Variants in PTHLH observed in about 807,000 individuals in gnomAD.
PTHLH encodes parathyroid hormone-related protein.
Under a neutral mutation model 18.6 loss-of-function variants are expected in PTHLH, and 5 were observed. The ratio of observed to expected loss-of-function variants is 0.27; its 90% confidence interval spans 0.14 to 0.56. The LOEUF is 0.56. Ranked by LOEUF, PTHLH falls within the 20% of genes least tolerant of loss-of-function variation. The pLI, the probability that PTHLH is intolerant of heterozygous loss-of-function variation, is 0.92. For synonymous variants in PTHLH, 90 were observed against 94.0 expected, an observed-to-expected ratio of 0.96 and a Z score of 0.25; for missense variants, 207 against 223.9, an observed-to-expected ratio of 0.92 and a Z score of 0.48.
intron 4 of PTHLH, among the ~76,000 whole-genome samples, chr12:27,967,463 A>G (rs1358397356): frequency 1.3e-5 from 2 of 152,208 alleles, no homozygotes; most frequent in Non-Finnish European, 2.9e-5. Flanking sequence ...GTTTGATTAT[A>G]TGTTAAAATT....
intron 5 of PTHLH, chr12:27,961,964 C>CT (rs377014358): frequency 0.029 from 13,846 of 482,754 alleles, no homozygotes; most frequent in South Asian, 0.049. Flanking sequence ...TGTTGTTTTC[C>CT]TTTTTTTTTT....
intron 5 of PTHLH, chr12:27,962,327 G>A (rs1366272957): frequency 3.2e-5 from 6 of 189,344 alleles, no homozygotes; most frequent in Non-Finnish European, 6.4e-5. Context: ...AAAATAATAT[G>A]TTGCAATTTA....
chr12:27,963,381 T>A lies in PTHLH; in HGVS notation c.491A>T (p.Asp164Val), dbSNP rs1006508750. 1.9e-6 allele frequency: 3 copies of A among 1,614,048 alleles called. No homozygotes were observed. In the African/African-American group the frequency reaches 4.0e-5, roughly 22 times the overall value. ...GSGLEGDHLS[D>V]TSTTSLELDS... is the part of the protein sequence containing the mutation. ...GAGCTCCAGCGACGTTGTGGAGGTG[T>A]CAGACAGGTGGTCCCCTTCTAGCCC... The change falls in exon 5 of 6, where the codon GAC becomes GTC. Residue 164 changes from aspartate to valine, a missense_variant. Asp to Val is a radical substitution (Grantham distance 152, BLOSUM62 -3). Coordinates refer to ENST00000545234, the MANE Select transcript of PTHLH (RefSeq NM_198965.2).
At chr12:27,964,850 TA>T (rs1344080152) in intron 4 of PTHLH, among the ~76,000 whole-genome samples, 1 of 152,240 alleles carries the variant, frequency 6.6e-6, no homozygotes, top group African/African-American at 2.4e-5. Context: ...ATTTTGTGTA[TA>T]TTATTAACCA....
chr12:27,971,789 C>G (rs2120686706), intron 2 of PTHLH, 138 bp downstream of exon 2: 1 of 151,492 alleles, frequency 6.6e-6, no homozygotes, highest in South Asian at 2.1e-4. Context: ...AAAACAAAAC[C>G]AAAACACACA....
rs199844363 is a variant in PTHLH, at chr12:27,962,663, A to C, written c.524+685T>G. On this transcript the variant is annotated intron_variant, in intron 5 of 5. Transcript: ENST00000545234. Reference sequence around the variant, plus strand: ...ATCTTGCCAATGAACAAAAAGATACATGAGAAAAACCTATATCCTTGTAAG... The same window carrying C: ...ATCTTGCCAATGAACAAAAAGATACCTGAGAAAAACCTATATCCTTGTAAG... 26 of 985,126 alleles carry C rather than the reference A, an allele frequency of 2.6e-5. 1 individual carries two copies. The East Asian group carries it at 2.7e-3, about 103-fold the overall frequency. The allele number at this position is 985,126 out of a possible 1,614,324, so 61.0% of individuals were successfully genotyped here.
chr12:27,961,276 C>CATATATATACGTATATATATATACGT (rs2062750802), intron 5 of PTHLH, among the ~76,000 whole-genome samples: 1 of 52,746 alleles, frequency 1.9e-5, no homozygotes, highest in East Asian at 5.6e-4. Flanking sequence ...TTTTATAACT[C>CATATATATACGTATATATATATACGT]ATATATATAC....
intron 4 of PTHLH, among the ~76,000 whole-genome samples, chr12:27,965,689 CTCTT>C (rs1472625624): frequency 1.3e-5 from 2 of 152,182 alleles, no homozygotes; most frequent in Non-Finnish European, 2.9e-5. Context: ...GAAGGAGTCT[CTCTT>C]TCTTTTAGAA....
chr12:27,960,674 C>T (rs1298610136), intron 5 of PTHLH, among the ~76,000 whole-genome samples: 2 of 145,688 alleles, frequency 1.4e-5, no homozygotes, highest in Non-Finnish European at 1.5e-5. Flanking sequence ...GCCGAGATTA[C>T]ACCATCTCAC....
At chr12:27,966,779 T>C (rs1157253546) in intron 4 of PTHLH, among the ~76,000 whole-genome samples, 1 of 152,032 alleles carries the variant, frequency 6.6e-6, no homozygotes, top group Non-Finnish European at 1.5e-5. Flanking sequence ...AGCCCAAACA[T>C]AGTTCTTCTC....
intron 4 of PTHLH, among the ~76,000 whole-genome samples, chr12:27,964,471 C>CAGAGAG (rs10551155): frequency 2.4e-4 from 35 of 148,848 alleles, no homozygotes; most frequent in African/African-American, 5.7e-4. Flanking sequence ...GGCCAATCGT[C>CAGAGAG]AGAGAGAGAG....
At chr12:27,959,882 T>A (rs1203561571) in intron 5 of PTHLH, among the ~76,000 whole-genome samples, 1 of 152,204 alleles carries the variant, frequency 6.6e-6, no homozygotes, top group Non-Finnish European at 1.5e-5. Flanking sequence ...CAAAACTCAA[T>A]AATCTGCATT....
Position 27,970,253 on chromosome 12 carries a change from C to A in PTHLH, c.-251G>T, listed in dbSNP as rs998604456. On this transcript the variant is annotated 5_prime_UTR_variant, in exon 3 of 6. Coordinates refer to ENST00000545234, the MANE Select transcript of PTHLH (RefSeq NM_198965.2). ...AAAACCGAGCGGAGGAATGTTCACACGCTCCGAGGCAAACCTGCCGGAGAA... is the reference window on the plus strand; with the variant it reads ...AAAACCGAGCGGAGGAATGTTCACAAGCTCCGAGGCAAACCTGCCGGAGAA... The A allele has an allele frequency of 4.6e-6, 2 of 435,818 alleles. No individual in the cohort carries two copies. Among genetic ancestry groups the A allele is most frequent in the African/African-American group, 2.0e-5 (1 of 49,520 alleles). 27.0% of individuals were successfully genotyped at this position (435,818 alleles called of 1,614,324 possible).
At position 27,963,595 on chromosome 12, in the gene PTHLH, C is replaced by G; in HGVS notation, c.277G>C (p.Val93Leu). 1 of 1,614,118 alleles carries G rather than the reference C, an allele frequency of 6.2e-7. No homozygotes were observed. ...KPSPNTKNHP[V>L]RFGSDDEGRY... The stretch of plus-strand genomic sequence containing the variant: ...CCCTCATCATCAGACCCAAATCGGA[C>G]GGGGTGGTTCTTTGTGTTGGGAGAG... Residue 93 changes from valine (V) to leucine (L), a missense_variant, in exon 5 of 6, where the codon GTC becomes CTC. Transcript: ENST00000545234.
chr12:27,962,109 G>A, intron 5 of PTHLH: 1 of 525,684 alleles, frequency 1.9e-6, no homozygotes, highest in South Asian at 2.9e-5. Flanking sequence ...ATCCAGCTTT[G>A]GGGCCACCTA....
chr12:27,970,763 G>C (rs2062865166), intron 2 of PTHLH, among the ~76,000 whole-genome samples: 1 of 152,248 alleles, frequency 6.6e-6, no homozygotes. Context: ...GCGGGCAACC[G>C]GGAGCCTGCG....
intron 4 of PTHLH, among the ~76,000 whole-genome samples, chr12:27,964,091 C>A (rs557666068): frequency 6.6e-5 from 10 of 152,076 alleles, no homozygotes; most frequent in African/African-American, 2.4e-4. Flanking sequence ...ACTTCCTTCC[C>A]GGTTTAAAAC....
At chr12:27,964,661 G>T (rs968088657) in intron 4 of PTHLH, among the ~76,000 whole-genome samples, 1 of 151,942 alleles carries the variant, frequency 6.6e-6, no homozygotes, top group Non-Finnish European at 1.5e-5. Context: ...TAGTTGAGAA[G>T]TTCACTTTTC....
At chr12:27,960,520 C>G (rs1243189275) in intron 5 of PTHLH, among the ~76,000 whole-genome samples, 1 of 151,894 alleles carries the variant, frequency 6.6e-6, no homozygotes, top group Non-Finnish European at 1.5e-5. Flanking sequence ...GAGTTCGAGA[C>G]CAGCCTGGCC....
Sources: gnomAD v4.1 joint callset for allele counts (sites outside exome capture counted in the v4.1 genomes callset) on GRCh38, gnomAD v4.1.1 for gene constraint, MANE v1.5 for transcripts, NCBI Gene and HGNC (gene_info 2026-07-23, HGNC 2026-07-21) for gene names.